TLN2: variants seen among roughly 807,000 people sequenced by gnomAD.
TLN2 encodes talin-2.
A neutral mutation model predicts 294.7 loss-of-function variants in TLN2; 118 were observed. That is an observed-to-expected ratio of 0.40 (90% confidence interval 0.34 to 0.47). The LOEUF is 0.47. TLN2 is among the 20% of genes least tolerant of loss of function. The pLI, the probability that TLN2 is intolerant of heterozygous loss-of-function variation, is 0.84. For missense variants in TLN2, 3,083 were observed against 3,282.2 expected (o/e 0.94, Z 1.48); for synonymous variants, 1,431 against 1,304.5 (o/e 1.10, Z -2.09).
intron 1 of TLN2, among the ~76,000 whole-genome samples, chr15:62,408,320 C>T (rs1212411146): frequency 6.6e-6 from 1 of 152,170 alleles, no homozygotes; most frequent in Non-Finnish European, 1.5e-5. Context: ...CGAGCATGCA[C>T]AGTGCAGAAG....
At chr15:62,667,079 C>T (rs2054760119) in intron 9 of TLN2, among the ~76,000 whole-genome samples, 1 of 152,202 alleles carries the variant, frequency 6.6e-6, no homozygotes, top group Non-Finnish European at 1.5e-5. Flanking sequence ...CGTTCTCCTG[C>T]CTCAGCCTCC....
chr15:62,760,590 T>A (rs2062598461), intron 37 of TLN2, among the ~76,000 whole-genome samples: 1 of 152,208 alleles, frequency 6.6e-6, no homozygotes, highest in Non-Finnish European at 1.5e-5. Flanking sequence ...GGAGGGTTTC[T>A]GTCATTGGGT....
At chr15:62,540,369 T>TG (rs1185573937) in intron 1 of TLN2, among the ~76,000 whole-genome samples, 1 of 151,268 alleles carries the variant, frequency 6.6e-6, no homozygotes, top group Non-Finnish European at 1.5e-5. Context: ...TTTTTTTTTT[T>TG]TTTTTACATG....
chr15:62,644,417 C>T lies in TLN2; in HGVS notation c.-36-2858C>T, dbSNP rs192234878. The T allele has an allele frequency of 2.0e-5, 9 of 448,426 alleles. No homozygotes were observed. The East Asian group carries it at 6.3e-4, about 31-fold the overall frequency. The allele number at this position is 448,426 out of a possible 1,614,324, so 27.8% of individuals were successfully genotyped here. A position where few individuals can be genotyped will look rare whatever the true frequency, so the allele number is the denominator to read the frequency against. ...AGTCATTACTGCTCTCCCTCACTCC[C>T]TAGGTGGTCTTTCTAGCCCCTCCCA... On this transcript the variant is annotated intron_variant, in intron 3 of 58. Transcript: ENST00000636159.
chr15:62,450,547 A>ATG lies in TLN2; in HGVS notation c.-238+59888_-238+59889dup, dbSNP rs10591621. Among the ~76,000 whole-genome samples, 251 of 136,138 alleles carry ATG rather than the reference A, an allele frequency of 1.8e-3. 2 individuals are homozygous for ATG. The highest frequency in any genetic ancestry group is 2.4e-3 in the Non-Finnish European group (157 of 65,294). 89.3% of individuals were successfully genotyped at this position (136,138 alleles called of 152,430 possible). On this transcript the variant is annotated intron_variant, in intron 1 of 58. Transcript: ENST00000636159. ...TATGTATGTATGTATGTATGTATGT[A>ATG]TGTGTGTGTGTGTGTGTGTGTGTGT...
chr15:62,414,692 T>G (rs949196464), intron 1 of TLN2, among the ~76,000 whole-genome samples: 7 of 140,700 alleles, frequency 5.0e-5, no homozygotes, highest in African/African-American at 7.6e-5. Flanking sequence ...TTGGTTGCCT[T>G]CTTGTTCTGG....
chr15:62,754,921 G>A (rs1272658115), intron 36 of TLN2: 1 of 152,216 alleles, frequency 6.6e-6, no homozygotes, highest in African/African-American at 2.4e-5. Flanking sequence ...TTGTCATCTG[G>A]ATCTGGGCTC....
At chr15:62,657,153 T>TGGG (rs35956846) in intron 8 of TLN2, among the ~76,000 whole-genome samples, 48 of 139,490 alleles carry the variant, frequency 3.4e-4, no homozygotes, top group South Asian at 1.2e-3. Context: ...GCTGAAAAGG[T>TGGG]GGGGGGGGGA....
chr15:62,607,074 C>T (rs2047515102), intron 2 of TLN2, among the ~76,000 whole-genome samples: 1 of 152,144 alleles, frequency 6.6e-6, no homozygotes, highest in Non-Finnish European at 1.5e-5. Context: ...CCACTCATGC[C>T]TCTTCACAGC....
At chr15:62,787,345 G>T (rs143718753) in intron 45 of TLN2, among the ~76,000 whole-genome samples, 3 of 152,276 alleles carry the variant, frequency 2.0e-5, no homozygotes, top group Non-Finnish European at 4.4e-5. Flanking sequence ...GTTTTGTTGT[G>T]TTTGAGGCAG....
At position 62,816,206 on chromosome 15, in the gene TLN2, G is replaced by A. The variant is rs1157302870; in HGVS notation, c.6772-3310G>A. The stretch of plus-strand genomic sequence containing the variant: ...GACAGAGCCATCTCCCCGCTGCCCC[G>A]AGAGCTGCTTTATGATGTTTTAGAG... On this transcript the variant is annotated intron_variant, in intron 52 of 58. Coordinates refer to ENST00000636159, the MANE Select transcript of TLN2 (RefSeq NM_015059.3). Among the ~76,000 whole-genome samples, 9 of 152,290 alleles carry A rather than the reference G, an allele frequency of 5.9e-5. No homozygotes were observed. In the South Asian group the frequency reaches 1.0e-3, roughly 18 times the overall value.
chr15:62,725,576 T>C lies in TLN2; in HGVS notation c.3255+472T>C, dbSNP rs369600631. Among the ~76,000 whole-genome samples the C allele has an allele frequency of 2.0e-5, 3 of 152,232 alleles. No individual in the cohort carries two copies. In the South Asian group the frequency reaches 6.2e-4, roughly 32 times the overall value. On this transcript the variant is annotated intron_variant, in intron 27 of 58. Coordinates refer to ENST00000636159, the MANE Select transcript of TLN2 (RefSeq NM_015059.3). ...ATGCTTATGTCAGAGTTTTGTTGGC[T>C]AAAACTTTACCAGTCCTCCTCATTT...
At chr15:62,507,657 A>T (rs556018727) in intron 1 of TLN2, among the ~76,000 whole-genome samples, 2 of 152,230 alleles carry the variant, frequency 1.3e-5, no homozygotes, top group Non-Finnish European at 2.9e-5. Flanking sequence ...AGTTAATTGC[A>T]TGGTAATTAA....
chr15:62,651,856 T>C, intron 5 of TLN2, 149 bp from the exon 6 acceptor site: 2 of 995,588 alleles, frequency 2.0e-6, no homozygotes, highest in Non-Finnish European at 2.8e-6. Context: ...CCCTGAAAAC[T>C]TTGAAAGGTT....
chr15:62,839,031 G>T, intron 58 of TLN2, 50 bp downstream of exon 58: 2 of 1,570,748 alleles, frequency 1.3e-6, no homozygotes, highest in Non-Finnish European at 1.7e-6. Flanking sequence ...GAGGTGTTGG[G>T]TTATAACAGA....
intron 22 of TLN2, among the ~76,000 whole-genome samples, chr15:62,713,822 G>C (rs1302260249): frequency 6.6e-6 from 1 of 151,364 alleles, no homozygotes; most frequent in Non-Finnish European, 1.5e-5. Context: ...GAGGGACAGT[G>C]TCTGAGCTTC....
At chr15:62,596,740 CAAAA>C (rs11345944) in intron 2 of TLN2, among the ~76,000 whole-genome samples, 2 of 135,206 alleles carry the variant, frequency 1.5e-5, no homozygotes, top group African/African-American at 2.7e-5. Context: ...GACTCTGTCT[CAAAA>C]AAAAAAAAAA....
At chr15:62,548,249 GAC>G (rs1045531479) in intron 1 of TLN2, among the ~76,000 whole-genome samples, 1 of 152,162 alleles carries the variant, frequency 6.6e-6, no homozygotes, top group Non-Finnish European at 1.5e-5. Flanking sequence ...GCAGGGGAAT[GAC>G]ACACAAATGA....
chr15:62,763,737 A>G, intron 40 of TLN2, 42 bp downstream of exon 40: 3 of 1,537,416 alleles, frequency 2.0e-6, no homozygotes, highest in African/African-American at 1.4e-5. Flanking sequence ...GCCTCTAGAT[A>G]TGTTGAAAAA....
Sources: gnomAD v4.1 joint callset for allele counts (sites outside exome capture counted in the v4.1 genomes callset) on GRCh38, gnomAD v4.1.1 for gene constraint, MANE v1.5 for transcripts, NCBI Gene and HGNC (gene_info 2026-07-23, HGNC 2026-07-21) for gene names.